THSD7B: variants seen among roughly 807,000 people sequenced by gnomAD.
The protein encoded by THSD7B is thrombospondin type 1 domain containing 7B.
In THSD7B, 138 loss-of-function variants were observed where a neutral mutation model predicts 213.6. The observed-to-expected ratio is 0.65, with a 90% CI of 0.56 to 0.74. The LOEUF is 0.74. Ranked by LOEUF, THSD7B falls within the 30% of genes least tolerant of loss-of-function variation. The pLI is 0.00. For missense variants in THSD7B, 1,931 were observed against 1,991.5 expected (o/e 0.97, Z 0.58); for synonymous variants, 742 against 687.0 (o/e 1.08, Z -1.25).
intron 2 of THSD7B, among the ~76,000 whole-genome samples, chr2:137,032,020 T>C (rs1207963025): frequency 6.6e-6 from 1 of 152,026 alleles, no homozygotes; most frequent in Non-Finnish European, 1.5e-5. Flanking sequence ...TTGTATTTTT[T>C]TGTGGTGACG....
At chr2:137,093,963 C>T (rs1356414783) in intron 3 of THSD7B, among the ~76,000 whole-genome samples, 1 of 152,078 alleles carries the variant, frequency 6.6e-6, no homozygotes, top group Non-Finnish European at 1.5e-5. Context: ...CTTGATCACA[C>T]ACACATTTTG....
intron 15 of THSD7B, among the ~76,000 whole-genome samples, chr2:137,489,439 AG>A (rs1422883922): frequency 1.5e-4 from 23 of 152,178 alleles, no homozygotes; most frequent in Middle Eastern, 3.4e-3. Context: ...AAGAAAAAAA[AG>A]AAAAAAAAAA....
intron 12 of THSD7B, among the ~76,000 whole-genome samples, chr2:137,346,439 GTTTAA>G (rs1358003136): frequency 6.6e-6 from 1 of 151,018 alleles, no homozygotes; most frequent in African/African-American, 2.4e-5. Context: ...GCTGCATAAT[GTTTAA>G]TTTAATAAGG....
intron 13 of THSD7B, among the ~76,000 whole-genome samples, chr2:137,406,365 A>C (rs1381933879): frequency 6.6e-6 from 1 of 152,180 alleles, no homozygotes; most frequent in African/African-American, 2.4e-5. Context: ...AAAGCAACTA[A>C]TTGTTTAATT....
At chr2:137,525,780 G>C (rs1680266630) in intron 15 of THSD7B, among the ~76,000 whole-genome samples, 1 of 152,132 alleles carries the variant, frequency 6.6e-6, no homozygotes, top group Non-Finnish European at 1.5e-5. Flanking sequence ...ACATTTATAA[G>C]TGTTTAATGA....
intron 1 of THSD7B, among the ~76,000 whole-genome samples, chr2:136,836,685 T>C (rs1291908832): frequency 1.3e-5 from 2 of 152,216 alleles, no homozygotes; most frequent in East Asian, 3.8e-4. Context: ...TCCAGTCCTA[T>C]GGCTGTAAAT....
chr2:136,926,205 T>C (rs1684519183), intron 2 of THSD7B, among the ~76,000 whole-genome samples: 1 of 152,084 alleles, frequency 6.6e-6, no homozygotes, highest in Admixed American at 6.6e-5. Context: ...CCTCCTATGA[T>C]TGTGGTCTCA....
chr2:136,852,351 CA>C (rs1024021215), intron 1 of THSD7B, among the ~76,000 whole-genome samples: 4 of 134,882 alleles, frequency 3.0e-5, no homozygotes, highest in African/African-American at 7.8e-5. Context: ...AACAAAACAA[CA>C]AAAAAACCAA....
chr2:137,616,994 C>T (rs1382938489), intron 18 of THSD7B, among the ~76,000 whole-genome samples: 1 of 152,034 alleles, frequency 6.6e-6, no homozygotes, highest in Non-Finnish European at 1.5e-5. Context: ...CAAACCACCA[C>T]ATGCCTGCAG....
At chr2:137,447,275 T>C (rs538256487) in intron 14 of THSD7B, among the ~76,000 whole-genome samples, 10 of 152,222 alleles carry the variant, frequency 6.6e-5, no homozygotes, top group African/African-American at 2.2e-4. Context: ...ATGAGAATGA[T>C]TTAAAATCTC....
chr2:137,302,257 G>A (rs895489028), intron 12 of THSD7B, among the ~76,000 whole-genome samples: 13 of 151,728 alleles, frequency 8.6e-5, no homozygotes, highest in African/African-American at 2.9e-4. Flanking sequence ...ACTGAAACAA[G>A]GCTAAGAGAC....
chr2:136,985,101 T>G (rs1685648433), intron 2 of THSD7B, among the ~76,000 whole-genome samples: 1 of 152,064 alleles, frequency 6.6e-6, no homozygotes, highest in Non-Finnish European at 1.5e-5. Context: ...AAGTTGAACC[T>G]AAAAGGGAGG....
intron 15 of THSD7B, among the ~76,000 whole-genome samples, chr2:137,533,441 C>T (rs1680437386): frequency 6.6e-6 from 1 of 151,836 alleles, no homozygotes; most frequent in African/African-American, 2.4e-5. Context: ...CCTCCTTCAA[C>T]TCAATACTCT....
chr2:137,586,678 G>T (rs1227570528), intron 17 of THSD7B, among the ~76,000 whole-genome samples: 2 of 152,170 alleles, frequency 1.3e-5, no homozygotes, highest in African/African-American at 4.8e-5. Flanking sequence ...CTCTCTTCTG[G>T]CTTGTAGAGT....
intron 3 of THSD7B, among the ~76,000 whole-genome samples, chr2:137,071,822 A>G (rs1013987365): frequency 6.6e-6 from 1 of 152,196 alleles, no homozygotes; most frequent in African/African-American, 2.4e-5. Context: ...AGCTTTCTAC[A>G]TATGGCTAGC....
At chr2:137,570,201 T>G (rs1186865202) in intron 16 of THSD7B, among the ~76,000 whole-genome samples, 3 of 151,986 alleles carry the variant, frequency 2.0e-5, no homozygotes, top group Admixed American at 6.5e-5. Flanking sequence ...CTATCTAACT[T>G]TTCATGAGTT....
chr2:137,637,685 A>AT (rs1308919025), intron 20 of THSD7B, among the ~76,000 whole-genome samples: 11 of 152,236 alleles, frequency 7.2e-5, no homozygotes, highest in African/African-American at 2.6e-4. Context: ...CATTTATTAG[A>AT]TTTTCTCTAC....
intron 15 of THSD7B, among the ~76,000 whole-genome samples, chr2:137,500,561 G>A (rs561733739): frequency 6.6e-6 from 1 of 152,126 alleles, no homozygotes; most frequent in African/African-American, 2.4e-5. Context: ...CTTTCCAGCC[G>A]TATCACTTAC....
At chr2:137,009,793 G>A (rs756986566) in intron 2 of THSD7B, among the ~76,000 whole-genome samples, 5 of 152,158 alleles carry the variant, frequency 3.3e-5, no homozygotes, top group Non-Finnish European at 7.3e-5. Context: ...TTCAAGATGA[G>A]ATTTAGGTGG....
Sources: allele counts gnomAD v4.1 joint callset (sites outside exome capture counted in the v4.1 genomes callset), GRCh38; gene constraint gnomAD v4.1.1; transcripts MANE v1.5; gene names NCBI Gene and HGNC (gene_info 2026-07-23, HGNC 2026-07-21).